Variants in PDS5A observed in about 807,000 individuals in gnomAD.
PDS5A encodes sister chromatid cohesion protein PDS5 homolog A.
PDS5A carries 42 observed loss-of-function variants against 167.1 expected under a neutral mutation model. The ratio of observed to expected loss-of-function variants is 0.25; its 90% confidence interval spans 0.20 to 0.33. The LOEUF (loss-of-function observed/expected upper bound fraction) is 0.33. Ranked by LOEUF, PDS5A falls within the 10% of genes least tolerant of loss-of-function variation. The pLI is 1.00. For synonymous variants in PDS5A, 553 were observed against 554.6 expected (o/e 1.00, Z 0.04); for missense variants, 1,033 against 1,605.9 (o/e 0.64, Z 6.10).
chr4:39,905,283 C>G (rs1723232600), intron 11 of PDS5A, among the ~76,000 whole-genome samples: 1 of 152,216 alleles, frequency 6.6e-6, no homozygotes, highest in African/African-American at 2.4e-5. Flanking sequence ...CAAGGGCGGG[C>G]ATGGTGGCTC....
At chr4:39,973,247 A>G (rs1366025930) in intron 2 of PDS5A, 51 of 1,505,586 alleles carry the variant, frequency 3.4e-5, no homozygotes, top group Non-Finnish European at 4.3e-5. Context: ...TGGACTCTCG[A>G]GCATATGAAC....
intron 2 of PDS5A, among the ~76,000 whole-genome samples, chr4:39,952,057 C>T (rs930460856): frequency 2.6e-5 from 4 of 151,718 alleles, no homozygotes; most frequent in East Asian, 1.9e-4. Context: ...TGTCCAGGCA[C>T]GGTGGCTCAT....
intron 31 of PDS5A, among the ~76,000 whole-genome samples, chr4:39,841,323 G>C (rs747357845): frequency 5.9e-5 from 9 of 151,548 alleles, no homozygotes; most frequent in Non-Finnish European, 1.2e-4. Context: ...TACTTTTATA[G>C]AGACGGGGTT....
At chr4:39,929,839 A>G (rs571433494) in intron 2 of PDS5A, among the ~76,000 whole-genome samples, 1 of 150,976 alleles carries the variant, frequency 6.6e-6, no homozygotes, top group African/African-American at 2.4e-5. Context: ...TATGCCTCCC[A>G]GACTCAAGTG....
At chr4:39,840,921 A>G (rs1716943717) in intron 31 of PDS5A, among the ~76,000 whole-genome samples, 1 of 151,322 alleles carries the variant, frequency 6.6e-6, no homozygotes, top group African/African-American at 2.4e-5. Context: ...TGCCTGGCTA[A>G]TATTTTGTAT....
intron 2 of PDS5A, among the ~76,000 whole-genome samples, chr4:39,962,731 G>A (rs1729607647): frequency 6.6e-6 from 1 of 152,162 alleles, no homozygotes; most frequent in East Asian, 2.0e-4. Flanking sequence ...TTGAACCCAG[G>A]AGGCGGAGGT....
intron 32 of PDS5A, among the ~76,000 whole-genome samples, chr4:39,835,508 C>T (rs50296): frequency 0.42 from 63,824 of 151,976 alleles, 14,784 homozygotes; most frequent in East Asian, 0.66. Context: ...AGGGTTCCAG[C>T]ATGTATCCGT....
intron 2 of PDS5A, among the ~76,000 whole-genome samples, chr4:39,944,930 A>G (rs917712038): frequency 6.6e-6 from 1 of 151,906 alleles, no homozygotes; most frequent in African/African-American, 2.4e-5. Context: ...TTTCCATTTT[A>G]TTTTCTTTAC....
chr4:39,946,005 G>A (rs1170406134), intron 2 of PDS5A, among the ~76,000 whole-genome samples: 4 of 151,770 alleles, frequency 2.6e-5, no homozygotes, highest in Non-Finnish European at 4.4e-5. Context: ...TCAGGAGTTC[G>A]AGACCAGCCT....
At chr4:39,908,104 C>G (rs1188815127) in intron 11 of PDS5A, among the ~76,000 whole-genome samples, 9 of 152,044 alleles carry the variant, frequency 5.9e-5, no homozygotes, top group Non-Finnish European at 8.8e-5. Flanking sequence ...TCTTTTGAAA[C>G]TCATCATGTA....
At chr4:39,973,569 T>A in intron 2 of PDS5A, 1 of 1,257,172 alleles carries the variant, frequency 8.0e-7, no homozygotes, top group East Asian at 2.3e-5. Flanking sequence ...TGGAGGGTGG[T>A]CACAGCAAAG....
intron 2 of PDS5A, among the ~76,000 whole-genome samples, chr4:39,949,405 T>C (rs1378771501): frequency 6.6e-6 from 1 of 151,822 alleles, no homozygotes; most frequent in African/African-American, 2.4e-5. Context: ...ATTCCATTTA[T>C]ATGAAATGTC....
At chr4:39,841,607 G>A (rs1163272285) in intron 31 of PDS5A, among the ~76,000 whole-genome samples, 1 of 151,540 alleles carries the variant, frequency 6.6e-6, no homozygotes, top group African/African-American at 2.4e-5. Context: ...CCACCTCCTG[G>A]GTTCAAGCAA....
chr4:39,829,084 A>G (rs1715577930), intron 32 of PDS5A, among the ~76,000 whole-genome samples: 1 of 152,150 alleles, frequency 6.6e-6, no homozygotes, highest in South Asian at 2.1e-4. Flanking sequence ...CCTGTAGCTC[A>G]GCGGTGTGTT....
chr4:39,926,313 G>A (rs898840652), intron 4 of PDS5A, among the ~76,000 whole-genome samples: 6 of 152,174 alleles, frequency 3.9e-5, no homozygotes, highest in Non-Finnish European at 8.8e-5. Context: ...CCTGAGGTCA[G>A]GAGTTTGAGA....
chr4:39,947,307 T>C (rs559834729), intron 2 of PDS5A, among the ~76,000 whole-genome samples: 7 of 152,048 alleles, frequency 4.6e-5, no homozygotes, highest in Non-Finnish European at 7.4e-5. Flanking sequence ...TACAAAAAAT[T>C]AGCCTGGGAT....
chr4:39,890,096 G>A (rs1220214140), intron 17 of PDS5A, among the ~76,000 whole-genome samples, 153 bp downstream of exon 17: 1 of 152,182 alleles, frequency 6.6e-6, no homozygotes, highest in Middle Eastern at 3.2e-3. Context: ...AAAATGAGAA[G>A]GCTTTCCCTT....
At chr4:39,975,717 G>C in intron 2 of PDS5A, among the ~76,000 whole-genome samples, 1 of 152,140 alleles carries the variant, frequency 6.6e-6, no homozygotes, top group East Asian at 1.9e-4. Flanking sequence ...GGTCAAAGTT[G>C]CCCTGACTCA....
At chr4:39,890,883 C>T (rs1006782106) in intron 16 of PDS5A, among the ~76,000 whole-genome samples, 1 of 152,052 alleles carries the variant, frequency 6.6e-6, no homozygotes, top group South Asian at 2.1e-4. Flanking sequence ...TCCCAAAGTG[C>T]TGGGATTACA....
Sources: allele counts gnomAD v4.1 joint callset (sites outside exome capture counted in the v4.1 genomes callset), GRCh38; gene constraint gnomAD v4.1.1; transcripts MANE v1.5; gene names NCBI Gene and HGNC (gene_info 2026-07-23, HGNC 2026-07-21).